The following FGFR2 variants were observed in gnomAD, a reference collection of about 807,000 sequenced individuals.
FGFR2 encodes BEK fibroblast growth factor receptor.
Under a neutral mutation model 95.9 loss-of-function variants are expected in FGFR2, and 19 were observed. That is an observed-to-expected ratio of 0.20 (90% CI 0.14 to 0.29). The LOEUF is 0.29. Among genes scored for constraint, FGFR2 ranks in the 10% least tolerant of loss-of-function variants. The pLI, the probability that FGFR2 is intolerant of heterozygous loss-of-function variation, is 1.00. For missense variants in FGFR2, 707 were observed against 1,056.9 expected (o/e 0.67, Z 4.59); for synonymous variants, 392 against 393.3 (o/e 1.00, Z 0.04).
intron 9 of FGFR2, among the ~76,000 whole-genome samples, chr10:121,512,146 C>A (rs372195530): frequency 2.2e-4 from 33 of 152,264 alleles, no homozygotes; most frequent in East Asian, 1.5e-3. Flanking sequence ...CTAGAAACAA[C>A]CCATCCTTGA....
At chr10:121,511,156 G>A (rs983868648) in intron 9 of FGFR2, among the ~76,000 whole-genome samples, 2 of 151,760 alleles carry the variant, frequency 1.3e-5, no homozygotes, top group African/African-American at 2.4e-5. Flanking sequence ...CAGCTGAGAA[G>A]GTGAAACTAA....
At chr10:121,510,209 G>C (rs187984866) in intron 9 of FGFR2, among the ~76,000 whole-genome samples, 175 of 152,294 alleles carry the variant, frequency 1.1e-3, no homozygotes, top group African/African-American at 4.1e-3. Context: ...GCGAGTCTCT[G>C]CCTCCCGCAG....
At chr10:121,521,885 A>G (rs1329929249) in intron 6 of FGFR2, among the ~76,000 whole-genome samples, 1 of 152,212 alleles carries the variant, frequency 6.6e-6, no homozygotes, top group African/African-American at 2.4e-5. Flanking sequence ...ATAGCCAAGA[A>G]ATGGAATCAA....
At chr10:121,486,588 C>T (rs375200976) in intron 15 of FGFR2, among the ~76,000 whole-genome samples, 2 of 152,164 alleles carry the variant, frequency 1.3e-5, no homozygotes, top group East Asian at 1.9e-4. Flanking sequence ...ATTACAGACA[C>T]GCATAACTAC....
rs1359891640 is a variant in FGFR2 at position 121,478,449 on chromosome 10, T to C, written c.*1408A>G. 6 of 233,506 alleles carry C rather than the reference T, an allele frequency of 2.6e-5. No individual in the cohort carries two copies. The allele number at this position is 233,506 out of a possible 1,614,324, so 14.5% of individuals were successfully genotyped here. ...TTATTAAATACTTTCTCCAATTTTG[T>C]AACACATAAGATCAGTGTAATCTGC... is the stretch of plus-strand genomic sequence containing the variant. On this transcript the variant is annotated 3_prime_UTR_variant, in exon 18 of 18. Transcript: ENST00000358487.
intron 4 of FGFR2, among the ~76,000 whole-genome samples, chr10:121,556,400 T>A (rs1377517244): frequency 7.2e-6 from 1 of 138,020 alleles, no homozygotes; most frequent in Non-Finnish European, 1.6e-5. Flanking sequence ...TAATCTACTC[T>A]CTCTCTCTCT....
intron 2 of FGFR2, among the ~76,000 whole-genome samples, chr10:121,577,324 G>C (rs754355191): frequency 4.9e-4 from 73 of 149,234 alleles, no homozygotes; most frequent in Non-Finnish European, 8.5e-4. Flanking sequence ...AAGGCACCCA[G>C]CACAATGTCT....
intron 1 of FGFR2, among the ~76,000 whole-genome samples, chr10:121,597,593 C>G (rs986866766): frequency 6.6e-6 from 1 of 152,244 alleles, no homozygotes; most frequent in African/African-American, 2.4e-5. Flanking sequence ...ACCCCGGGAA[C>G]CGGCCTGCGG....
rs1303757051 is a variant in FGFR2 at position 121,581,842 on chromosome 10, C to T, written c.109+11867G>A. Among the ~76,000 whole-genome samples the T allele has an allele frequency of 2.6e-5, 4 of 150,980 alleles. No individual in the cohort carries two copies. In the East Asian group the frequency reaches 7.8e-4, roughly 29 times the overall value. ...TCCCTGGGAACTCCTAAACATGGGG[C>T]ACATGCCTCCGGCCCATGCTTTTCC... On this transcript the variant is annotated intron_variant, in intron 2 of 17. Transcript: ENST00000358487.
intron 2 of FGFR2, among the ~76,000 whole-genome samples, chr10:121,588,922 AAAAC>A (rs916623555): frequency 2.0e-5 from 3 of 152,160 alleles, no homozygotes; most frequent in African/African-American, 7.2e-5. Context: ...TCAAAAAACA[AAAAC>A]AAACAAAAAA....
intron 4 of FGFR2, among the ~76,000 whole-genome samples, chr10:121,553,392 T>C (rs1855679127): frequency 6.6e-6 from 1 of 152,042 alleles, no homozygotes; most frequent in East Asian, 1.9e-4. Flanking sequence ...CACCAGGGAG[T>C]ACTTGATTCC....
In FGFR2 at chr10:121,582,275, C is replaced by G. The variant is rs191109312; in HGVS notation, c.109+11434G>C. Among the ~76,000 whole-genome samples, 615 of 152,296 alleles carry G rather than the reference C, an allele frequency of 4.0e-3. 4 individuals carry two copies. The highest frequency in any genetic ancestry group is 0.013 in the African/African-American group (539 of 41,558). On this transcript the variant is annotated intron_variant, in intron 2 of 17. Transcript: ENST00000358487. Reference sequence around the variant, plus strand: ...TTATTTGACAAGAGCCTGTCTCCCCCACTCAACTGTTCATTGCTTGCTATT... The same window carrying G: ...TTATTTGACAAGAGCCTGTCTCCCCGACTCAACTGTTCATTGCTTGCTATT...
Position 121,501,038 on chromosome 10 carries a change from G to A in FGFR2, c.1440-91C>T, listed in dbSNP as rs561982456. The A allele has an allele frequency of 6.7e-5, 105 of 1,574,544 alleles. 1 individual carries two copies. The African/African-American group carries it at 1.0e-3, about 15-fold the overall frequency. On this transcript the variant is annotated intron_variant, in intron 10 of 17. Coordinates refer to ENST00000358487, the MANE Select transcript of FGFR2 (RefSeq NM_000141.5). ...GAACTAAATATAAAAATCTTTCAGC[G>A]GCTTACTAAAGCATGGAGTGCTTAT...
At position 121,498,495 on chromosome 10, in the gene FGFR2, C is replaced by A; in HGVS notation, c.1672G>T (p.Gly558Trp). 1 of 1,571,054 alleles carries A rather than the reference C, an allele frequency of 6.4e-7. No homozygotes were observed. Among genetic ancestry groups the A allele is most frequent in the East Asian group, 2.2e-5 (1 of 44,682 alleles). The change falls in exon 12 of 18, where the codon GGG becomes TGG. Residue 558 changes from glycine to tryptophan, a missense_variant and splice_region_variant. By Grantham distance (184) the Gly-to-Trp change is radical. This residue lies in a region of FGFR2 where 194 missense variants were observed against 267.3 expected (regional missense o/e 0.73). Coordinates refer to ENST00000358487, the MANE Select transcript of FGFR2 (RefSeq NM_000141.5). ...INLLGACTQDGPLYVIVEYAS... is the reference protein window; with the variant it reads ...INLLGACTQDWPLYVIVEYAS... ...GAATGCAGTTTTTCCTCCTACTCAC[C>A]ATCCTGTGTGCAGGCTCCAAGAAGA...
At chr10:121,515,003 C>A in intron 9 of FGFR2, 114 bp downstream of exon 9, 1 of 987,212 alleles carries the variant, frequency 1.0e-6, no homozygotes, top group Non-Finnish European at 1.6e-6. Context: ...ACACCAGAAT[C>A]ACTCGCACAT....
intron 17 of FGFR2, among the ~76,000 whole-genome samples, chr10:121,481,505 C>A (rs543055721): frequency 6.6e-6 from 1 of 152,246 alleles, no homozygotes; most frequent in African/African-American, 2.4e-5. Context: ...TCAGTTCCAA[C>A]AACATCAGCA....
intron 5 of FGFR2, among the ~76,000 whole-genome samples, chr10:121,548,789 GA>G (rs1261571273): frequency 1.3e-5 from 2 of 152,100 alleles, no homozygotes; most frequent in East Asian, 3.9e-4. Context: ...GTGAGTTTCA[GA>G]AAGCATTTGG....
chr10:121,496,407 T>C, intron 13 of FGFR2, 125 bp downstream of exon 13: 1 of 961,610 alleles, frequency 1.0e-6, no homozygotes, highest in Admixed American at 1.7e-5. Flanking sequence ...GCAATAAATA[T>C]TTTCCAGGTT....
At chr10:121,510,577 T>G (rs1190872229) in intron 9 of FGFR2, among the ~76,000 whole-genome samples, 2 of 152,050 alleles carry the variant, frequency 1.3e-5, no homozygotes, top group African/African-American at 4.8e-5. Context: ...GAGTAGAACA[T>G]CCATCCCCCT....
Sources: gnomAD v4.1 joint callset for allele counts (sites outside exome capture counted in the v4.1 genomes callset) on GRCh38, gnomAD v4.1.1 for gene constraint, gnomAD v4.1.1 regional missense constraint, MANE v1.5 for transcripts, NCBI Gene and HGNC (gene_info 2026-07-23, HGNC 2026-07-21) for gene names.